The following HMGCS1 variants were observed in gnomAD, a reference collection of about 807,000 sequenced individuals.
HMGCS1 encodes hydroxymethylglutaryl-CoA synthase, cytoplasmic.
HMGCS1 carries 9 observed loss-of-function variants against 52.3 expected under a neutral mutation model. The ratio of observed to expected loss-of-function variants is 0.17; its 90% confidence interval spans 0.10 to 0.30. The LOEUF (loss-of-function observed/expected upper bound fraction) is 0.30. Ranked by LOEUF, HMGCS1 falls within the 10% of genes least tolerant of loss-of-function variation. HMGCS1 has a pLI of 1.00. For synonymous variants in HMGCS1, 176 were observed against 214.4 expected, an observed-to-expected ratio of 0.82 and a Z score of 1.57; for missense variants, 320 against 620.9, an observed-to-expected ratio of 0.52 and a Z score of 5.15.
chr5:43,294,727 G>C lies in HMGCS1; in HGVS notation c.1040C>G (p.Ser347Cys), dbSNP rs1753946591. 1.2e-6 allele frequency: 2 copies of C among 1,611,802 alleles called. No individual in the cohort carries two copies. The highest frequency in any genetic ancestry group is 1.7e-6 in the Non-Finnish European group (2 of 1,178,464). The change falls in exon 7 of 11, where the codon TCT (serine) becomes TGT (cysteine). Residue 347 changes from serine (S) to cysteine (C), a missense_variant. Physicochemically the swap from Ser to Cys is moderately radical, Grantham distance 112. Transcript: ENST00000325110. ...VSNQNGNMYT[S>C]SVYGSLASVL... ...AGATGCAAGGGAACCATATACTGAA[G>C]ATGTGTACATATTTCCATTTTGATT...
rs768445338 is a variant in HMGCS1, at chr5:43,298,968, T to C, written c.-3A>G. ...TTCAAAGGAAGTGATCCAGGCATGG[T>C]GAAAGAGCTTTAGAAAGGAGAAACA... On this transcript the variant is annotated 5_prime_UTR_variant, in exon 3 of 11. Coordinates refer to ENST00000325110, the MANE Select transcript of HMGCS1 (RefSeq NM_001098272.3). This position sits in a 1 kb window ranked among gnomAD's most constrained non-coding sequence, Gnocchi z 5.6. The C allele has an allele frequency of 5.0e-6, 8 of 1,599,424 alleles. No homozygotes were observed. The highest frequency in any genetic ancestry group is 2.7e-5 in the African/African-American group (2 of 73,964).
At chr5:43,299,004 T>G in intron 2 of HMGCS1, 29 bp from the exon 3 acceptor site, 1 of 1,522,816 alleles carries the variant, frequency 6.6e-7, no homozygotes. Context: ...GAAAAAAAAT[T>G]GTTTTAGGTT....
chr5:43,308,038 A>C (rs988008590), intron 1 of HMGCS1, among the ~76,000 whole-genome samples: 1 of 152,256 alleles, frequency 6.6e-6, no homozygotes, highest in African/African-American at 2.4e-5. Flanking sequence ...TGAAAGGTTC[A>C]GTCCTGGTAA....
intron 6 of HMGCS1, 34 bp from the exon 7 acceptor site, chr5:43,294,895 A>G: frequency 7.0e-7 from 1 of 1,433,120 alleles, no homozygotes; most frequent in Non-Finnish European, 9.6e-7. Flanking sequence ...TACAGTGTTT[A>G]AAGCCTATGT....
chr5:43,294,491 A>AC, intron 7 of HMGCS1, 200 bp downstream of exon 7: 1 of 500,378 alleles, frequency 2.0e-6, no homozygotes, highest in Non-Finnish European at 3.5e-6. Context: ...GAAAGCCAGT[A>AC]TGAAATTAAC....
At chr5:43,310,125 C>T (rs139972739) in intron 1 of HMGCS1, among the ~76,000 whole-genome samples, 41 of 152,204 alleles carry the variant, frequency 2.7e-4, no homozygotes, top group African/African-American at 7.2e-5. Flanking sequence ...TCCTTAGGAG[C>T]AAGCAAGTAA....
intron 2 of HMGCS1, among the ~76,000 whole-genome samples, chr5:43,301,172 T>C (rs184885027): frequency 6.6e-6 from 1 of 152,212 alleles, no homozygotes; most frequent in Admixed American, 6.5e-5. Context: ...TGGAGGGTAG[T>C]AGATTTTCAA....
Position 43,294,864 on chromosome 5 carries a change from G to A in HMGCS1, c.906-3C>T, listed in dbSNP as rs2111648449. Reference sequence around the variant, plus strand: ...AGGTGTCTTCTAATTTAACATCCCTGAAAGATTTATTTTACAGTTTTACAG... The same window carrying A: ...AGGTGTCTTCTAATTTAACATCCCTAAAAGATTTATTTTACAGTTTTACAG... On this transcript the variant is annotated splice_region_variant and splice_polypyrimidine_tract_variant and intron_variant, in intron 6 of 10. Coordinates refer to ENST00000325110, the MANE Select transcript of HMGCS1 (RefSeq NM_001098272.3). 2 of 1,591,658 alleles carry A rather than the reference G, an allele frequency of 1.3e-6. No individual in the cohort carries two copies. The highest frequency in any genetic ancestry group is 1.1e-5 in the South Asian group (1 of 89,278).
intron 6 of HMGCS1, among the ~76,000 whole-genome samples, chr5:43,295,447 G>A (rs747955691): frequency 1.6e-4 from 25 of 152,154 alleles, no homozygotes; most frequent in Non-Finnish European, 3.4e-4. Context: ...TGCTGAGAGA[G>A]GTAAGGAGTT....
intron 8 of HMGCS1, among the ~76,000 whole-genome samples, chr5:43,293,378 C>T (rs1009336355): frequency 5.3e-5 from 8 of 152,148 alleles, no homozygotes; most frequent in African/African-American, 1.9e-4. Context: ...TAGGTGTGAG[C>T]CATTGCACCT....
chr5:43,306,463 A>G (rs1458173692), intron 2 of HMGCS1, among the ~76,000 whole-genome samples: 1 of 152,162 alleles, frequency 6.6e-6, no homozygotes, highest in Non-Finnish European at 1.5e-5. Context: ...TTTTTTCCAA[A>G]CTGCATGTCT....
intron 1 of HMGCS1, among the ~76,000 whole-genome samples, chr5:43,308,655 G>A (rs1479657100): frequency 6.6e-6 from 1 of 152,178 alleles, no homozygotes; most frequent in Non-Finnish European, 1.5e-5. Context: ...TGTTTTGAAA[G>A]ACTGATTGTT....
At chr5:43,294,321 G>C in intron 7 of HMGCS1, 159 bp from the exon 8 acceptor site, 1 of 575,964 alleles carries the variant, frequency 1.7e-6, no homozygotes, top group Non-Finnish European at 3.1e-6. Flanking sequence ...TTGCAGTAGG[G>C]AATATAACTT....
At chr5:43,309,847 G>A (rs775183811) in intron 1 of HMGCS1, among the ~76,000 whole-genome samples, 2 of 152,210 alleles carry the variant, frequency 1.3e-5, no homozygotes, top group African/African-American at 2.4e-5. Context: ...GGCACTTTGA[G>A]TCTGGCAAAG....
chr5:43,298,455 C>T lies in HMGCS1; in HGVS notation c.448+63G>A, dbSNP rs35239179. 0.48 allele frequency: 568,151 copies of T among 1,176,310 alleles called. 141,685 individuals carry two copies. Among genetic ancestry groups the T allele is most frequent in the Middle Eastern group, 0.6 (2,744 of 4,566 alleles). The allele number at this position is 1,176,310 out of a possible 1,614,324, so 72.9% of individuals were successfully genotyped here. A position where few individuals can be genotyped will look rare whatever the true frequency, so the allele number is the denominator to read the frequency against. Reference sequence around the variant, plus strand: ...CGTATTGCATTAATTAAAGTGTCATCTGGGTCTATTGAACCTTAGAAAAAA... The same window carrying T: ...CGTATTGCATTAATTAAAGTGTCATTTGGGTCTATTGAACCTTAGAAAAAA... On this transcript the variant is annotated intron_variant, in intron 3 of 10. Coordinates refer to ENST00000325110, the MANE Select transcript of HMGCS1 (RefSeq NM_001098272.3). The surrounding 1 kb of genome is among the most constrained non-coding windows in gnomAD (Gnocchi z 5.6).
At chr5:43,313,069 G>C (rs1310624627) in intron 1 of HMGCS1, 1 of 152,274 alleles carries the variant, frequency 6.6e-6, no homozygotes, top group African/African-American at 2.4e-5. Context: ...CTCCTCTGTC[G>C]TTAGAATACC....
At chr5:43,301,906 A>G (rs1159978441) in intron 2 of HMGCS1, among the ~76,000 whole-genome samples, 1 of 152,268 alleles carries the variant, frequency 6.6e-6, no homozygotes, top group African/African-American at 2.4e-5. Flanking sequence ...ATGACTTGAC[A>G]AGCACACTGT....
Position 43,289,072 on chromosome 5 carries a change from A to G in HMGCS1, c.*2059T>C, listed in dbSNP as rs542273195. ...ACAGTAACTCATTTCATAAATATTT[A>G]TAGCAAAGTCTATATATGCTTGCCA... On this transcript the variant is annotated 3_prime_UTR_variant, in exon 11 of 11. Coordinates refer to ENST00000325110, the MANE Select transcript of HMGCS1 (RefSeq NM_001098272.3). 6.6e-6 allele frequency: 1 copy of G among 152,340 alleles called. No individual in the cohort carries two copies. Among genetic ancestry groups the G allele is most frequent in the East Asian group, 1.9e-4 (1 of 5,190 alleles). The allele number at this position is 152,340 out of a possible 1,614,324, so 9.4% of individuals were successfully genotyped here. A position where few individuals can be genotyped will look rare whatever the true frequency, so the allele number is the denominator to read the frequency against.
In HMGCS1 at chr5:43,295,876, T is replaced by C. The variant is rs1280389054; in HGVS notation, c.781A>G (p.Met261Val). The change falls in exon 6 of 11, where the codon ATG (methionine) becomes GTG (valine). Residue 261 changes from methionine to valine, a missense_variant. By Grantham distance (21) the Met-to-Val change is conservative. Around this residue, in one of 3 missense-constraint regions of HMGCS1, gnomAD observed 213 missense variants for 337.4 expected, o/e 0.63. Transcript: ENST00000325110. Reference sequence around the variant, plus strand: ...TTACAATATGGTGAGTGAAAGATCATGAAGCCAAAATCATTCAAGGTAAAA... The same window carrying C: ...TTACAATATGGTGAGTGAAAGATCACGAAGCCAAAATCATTCAAGGTAAAA... ...KDFTLNDFGF[M>V]IFHSPYCKLV... is the part of the protein sequence containing the mutation. 2 of 1,613,212 alleles carry C rather than the reference T, an allele frequency of 1.2e-6. No individual in the cohort carries two copies. Among genetic ancestry groups the C allele is most frequent in the Non-Finnish European group, 1.7e-6 (2 of 1,179,308 alleles).
Sources: gnomAD v4.1 joint callset for allele counts (sites outside exome capture counted in the v4.1 genomes callset) on GRCh38, gnomAD v4.1.1 for gene constraint, gnomAD v4.1.1 regional missense constraint, Gnocchi (gnomAD v3.1) non-coding constraint, MANE v1.5 for transcripts, NCBI Gene and HGNC (gene_info 2026-07-23, HGNC 2026-07-21) for gene names.